ANXA8: variants seen among roughly 807,000 people sequenced by gnomAD.
The protein encoded by ANXA8 is VAC-beta.
In ANXA8, 9 loss-of-function variants were observed where a neutral mutation model predicts 26.8. The observed-to-expected ratio is 0.34, with a 90% CI of 0.20 to 0.59. The LOEUF is 0.59. Among genes scored for constraint, ANXA8 ranks in the 20% least tolerant of loss-of-function variants. ANXA8 has a pLI of 0.84. For synonymous variants in ANXA8, 39 were observed against 94.8 expected (o/e 0.41, Z 3.42); for missense variants, 83 against 238.5 (o/e 0.35, Z 4.29).
At chr10:47,566,128 G>A in the ANXA8 span, 4 of 431,520 alleles carry the variant, frequency 9.3e-6, no homozygotes, top group Non-Finnish European at 1.6e-5. Context: ...TTATCCAGAA[G>A]TAAATATTTC....
At chr10:47,650,819 A>C in the ANXA8 span, among the ~76,000 whole-genome samples, 6 of 147,008 alleles carry the variant, frequency 4.1e-5, no homozygotes, top group African/African-American at 1.3e-4. Context: ...AAAAAAAAAA[A>C]GGGCAAAGAA....
At chr10:47,742,438 T>C in the ANXA8 span, among the ~76,000 whole-genome samples, 1 of 150,684 alleles carries the variant, frequency 6.6e-6, no homozygotes, top group Non-Finnish European at 1.5e-5. Context: ...TCATCACTTG[T>C]ATTCAATACT....
At chr10:47,938,755 G>A in the ANXA8 span, among the ~76,000 whole-genome samples, 3 of 149,350 alleles carry the variant, frequency 2.0e-5, no homozygotes, top group Non-Finnish European at 4.4e-5. Context: ...TCAGGACTGG[G>A]GAGTGTCAAA....
At chr10:47,982,800 T>A in the ANXA8 span, among the ~76,000 whole-genome samples, 3 of 11,286 alleles carry the variant, frequency 2.7e-4, no homozygotes, top group Non-Finnish European at 5.7e-4. Flanking sequence ...TATTTGCAAA[T>A]CATATATATA....
the ANXA8 span, among the ~76,000 whole-genome samples, chr10:47,631,352 T>G: frequency 3.3e-5 from 5 of 152,016 alleles, no homozygotes; most frequent in African/African-American, 1.2e-4. Context: ...AGAGTCTATT[T>G]CTTTTAAACT....
the ANXA8 span, chr10:47,969,904 A>G: frequency 1.3e-5 from 2 of 151,060 alleles, no homozygotes; most frequent in Non-Finnish European, 3.0e-5. Flanking sequence ...GTCTTCCAGA[A>G]ATGTGTTGGA....
chr10:47,552,872 C>T, the ANXA8 span, among the ~76,000 whole-genome samples: 1 of 151,814 alleles, frequency 6.6e-6, no homozygotes, highest in Non-Finnish European at 1.5e-5. Flanking sequence ...GTCTGATTGG[C>T]AGAGGAAATC....
chr10:47,653,246 A>G, the ANXA8 span, among the ~76,000 whole-genome samples: 1 of 150,008 alleles, frequency 6.7e-6, no homozygotes, highest in African/African-American at 2.5e-5. Context: ...CGGGAGGTAG[A>G]GGTTGCAGTG....
the ANXA8 span, among the ~76,000 whole-genome samples, chr10:47,649,722 A>AT: frequency 1.3e-4 from 17 of 129,684 alleles, 1 homozygote; most frequent in African/African-American, 3.8e-4. Flanking sequence ...AATTAAAAAA[A>AT]TTTTTTTAAA....
the ANXA8 span, among the ~76,000 whole-genome samples, chr10:47,610,597 A>T: frequency 3.3e-5 from 4 of 122,134 alleles, no homozygotes; most frequent in African/African-American, 1.3e-4. Context: ...ACATTTATTT[A>T]TATATATATA....
chr10:47,751,262 T>C, the ANXA8 span: 1 of 139,312 alleles, frequency 7.2e-6, no homozygotes, highest in Non-Finnish European at 1.5e-5. Flanking sequence ...GCCAAACTTA[T>C]TAGCTCTAGT....
the ANXA8 span, among the ~76,000 whole-genome samples, chr10:47,967,294 C>T: frequency 6.6e-6 from 1 of 151,090 alleles, no homozygotes; most frequent in African/African-American, 2.4e-5. Flanking sequence ...TATAGGCACC[C>T]TTATTTTTTT....
chr10:47,554,226 G>A, the ANXA8 span, among the ~76,000 whole-genome samples: 4 of 140,368 alleles, frequency 2.8e-5, no homozygotes, highest in Non-Finnish European at 4.6e-5. Context: ...AGGCTGAGGC[G>A]GGACGATCGC....
chr10:47,946,499 T>C, the ANXA8 span, among the ~76,000 whole-genome samples: 1 of 150,102 alleles, frequency 6.7e-6, no homozygotes, highest in Middle Eastern at 3.2e-3. Flanking sequence ...ATTTGTTGAG[T>C]TGACTTTGAA....
At chr10:47,649,987 C>T in the ANXA8 span, among the ~76,000 whole-genome samples, 1 of 150,878 alleles carries the variant, frequency 6.6e-6, no homozygotes, top group Non-Finnish European at 1.5e-5. Flanking sequence ...GTAGATGGAT[C>T]ACTTGAGGTC....
At chr10:47,686,225 C>CTT in the ANXA8 span, among the ~76,000 whole-genome samples, 88 of 122,924 alleles carry the variant, frequency 7.2e-4, no homozygotes, top group Middle Eastern at 4.5e-3. Flanking sequence ...GCTCCTATCA[C>CTT]TTTTTTTTTT....
chr10:47,484,393 C>T, upstream of ANXA8: 1 of 1,037,186 alleles, frequency 9.6e-7, no homozygotes. Context: ...CCATTTTCAT[C>T]ACTCCTAATA....
At chr10:47,634,710 AG>A in the ANXA8 span, among the ~76,000 whole-genome samples, 1 of 142,780 alleles carries the variant, frequency 7.0e-6, no homozygotes, top group South Asian at 2.2e-4. Context: ...TGTTTCACAT[AG>A]ATTCAGTTTG....
the ANXA8 span, among the ~76,000 whole-genome samples, chr10:47,973,653 C>T: frequency 1.3e-5 from 2 of 150,838 alleles, no homozygotes; most frequent in African/African-American, 4.8e-5. Context: ...TTCATTACTT[C>T]AGATCTCACC....
Sources: allele counts gnomAD v4.1 joint callset (sites outside exome capture counted in the v4.1 genomes callset), GRCh38; gene constraint gnomAD v4.1.1; transcripts MANE v1.5; gene names NCBI Gene and HGNC (gene_info 2026-07-23, HGNC 2026-07-21).